CAMK4: variants seen among roughly 807,000 people sequenced by gnomAD.
The protein encoded by CAMK4 is calcium/calmodulin-dependent protein kinase type IV.
Under a neutral mutation model 44.9 loss-of-function variants are expected in CAMK4, and 22 were observed. The ratio of observed to expected loss-of-function variants is 0.49; its 90% CI spans 0.35 to 0.70. CAMK4 has a LOEUF of 0.70. Among genes scored for constraint, CAMK4 ranks in the 30% least tolerant of loss-of-function variants. The probability of loss-of-function intolerance (pLI) is 0.01; values close to 1 mark genes in which losing one functional copy is unlikely to be tolerated. For missense variants in CAMK4, 498 were observed against 586.8 expected (o/e 0.85, Z 1.56); for synonymous variants, 218 against 215.4 (o/e 1.01, Z -0.11).
At chr5:111,227,743 G>T (rs965561431) in intron 1 of CAMK4, among the ~76,000 whole-genome samples, 1 of 152,166 alleles carries the variant, frequency 6.6e-6, no homozygotes, top group East Asian at 1.9e-4. Flanking sequence ...TAGAGTATAG[G>T]GGTTACGGGT....
intron 5 of CAMK4, among the ~76,000 whole-genome samples, chr5:111,443,277 TATACAC>T (rs1316262975): frequency 0.074 from 3,006 of 40,380 alleles, 29 homozygotes; most frequent in East Asian, 0.2. Context: ...TATATATATA[TATACAC>T]ACACACACAC....
At chr5:111,461,873 A>G (rs1177665049) in intron 7 of CAMK4, among the ~76,000 whole-genome samples, 1 of 151,684 alleles carries the variant, frequency 6.6e-6, no homozygotes, top group Non-Finnish European at 1.5e-5. Context: ...AGGGACAATA[A>G]TTCTGGAAAG....
chr5:111,367,849 C>T (rs1053257920), intron 2 of CAMK4, among the ~76,000 whole-genome samples: 4 of 152,100 alleles, frequency 2.6e-5, no homozygotes, highest in African/African-American at 7.2e-5. Context: ...TAGCCTGGTA[C>T]AATGTCTCTG....
At chr5:111,478,264 G>T in intron 8 of CAMK4, 117 bp from the exon 9 acceptor site, 1 of 564,482 alleles carries the variant, frequency 1.8e-6, no homozygotes, top group Non-Finnish European at 3.0e-6. Flanking sequence ...AAGCTGAGTA[G>T]ACTTGCTTCC....
chr5:111,349,879 A>G (rs1270785746), intron 2 of CAMK4, among the ~76,000 whole-genome samples: 1 of 152,034 alleles, frequency 6.6e-6, no homozygotes, highest in African/African-American at 2.4e-5. Context: ...ATTTCTAACT[A>G]TGTAGCTCAA....
rs77108454 is a variant in CAMK4 at position 111,397,612 on chromosome 5, G to A, written c.459+2830G>A. 4.2e-3 allele frequency among the ~76,000 whole-genome samples: 639 copies of A among 151,338 alleles called. 4 individuals carry two copies. The highest frequency in any genetic ancestry group is 0.015 in the African/African-American group (619 of 41,160). Reference sequence around the variant, plus strand: ...ATTGTGCTGAAATTTTAGTATGTTTGTATGGTTATAACAGGTAATATCCTC... The same window carrying A: ...ATTGTGCTGAAATTTTAGTATGTTTATATGGTTATAACAGGTAATATCCTC... On this transcript the variant is annotated intron_variant, in intron 5 of 10. Coordinates refer to ENST00000282356, the MANE Select transcript of CAMK4 (RefSeq NM_001744.6).
intron 1 of CAMK4, among the ~76,000 whole-genome samples, chr5:111,315,130 T>G (rs1455283563): frequency 6.6e-6 from 1 of 152,124 alleles, no homozygotes; most frequent in Non-Finnish European, 1.5e-5. Context: ...TGTGTGTGCA[T>G]TTGGATGTGC....
At chr5:111,442,436 G>A (rs1015158129) in intron 5 of CAMK4, among the ~76,000 whole-genome samples, 9 of 151,622 alleles carry the variant, frequency 5.9e-5, no homozygotes, top group African/African-American at 2.2e-4. Context: ...GGTGGAAATT[G>A]CAGTAAGCCA....
intron 5 of CAMK4, among the ~76,000 whole-genome samples, chr5:111,398,276 G>T (rs1752094430): frequency 6.6e-6 from 1 of 152,168 alleles, no homozygotes; most frequent in Non-Finnish European, 1.5e-5. Flanking sequence ...GCCACATGTG[G>T]CTCAACTTGA....
intron 1 of CAMK4, among the ~76,000 whole-genome samples, chr5:111,334,543 A>C (rs1284537131): frequency 2.0e-5 from 3 of 151,592 alleles, no homozygotes; most frequent in African/African-American, 4.8e-5. Flanking sequence ...AAGAAGAATC[A>C]ATTTTGAGGT....
At chr5:111,421,674 G>A (rs1466479054) in intron 5 of CAMK4, among the ~76,000 whole-genome samples, 1 of 152,078 alleles carries the variant, frequency 6.6e-6, no homozygotes, top group Non-Finnish European at 1.5e-5. Context: ...TTTGTTTCCA[G>A]AAGGACATAT....
At chr5:111,278,968 C>A (rs1301124679) in intron 1 of CAMK4, among the ~76,000 whole-genome samples, 1 of 152,104 alleles carries the variant, frequency 6.6e-6, no homozygotes, top group African/African-American at 2.4e-5. Flanking sequence ...GGTAGGGTAC[C>A]GCAATACAAC....
chr5:111,480,249 AACACACACACACACACACAC>A (rs532395570), intron 9 of CAMK4, among the ~76,000 whole-genome samples: 3 of 121,188 alleles, frequency 2.5e-5, no homozygotes, highest in South Asian at 2.8e-4. Context: ...TAGGCATGTA[AACACACACACACACACACAC>A]ACACACACAC....
intron 1 of CAMK4, among the ~76,000 whole-genome samples, chr5:111,336,495 C>T (rs1336563859): frequency 6.6e-6 from 1 of 150,674 alleles, no homozygotes; most frequent in Non-Finnish European, 1.5e-5. Context: ...TTTTGAGAAA[C>T]TGTTGAATTG....
intron 1 of CAMK4, among the ~76,000 whole-genome samples, chr5:111,301,800 T>C (rs1747729326): frequency 6.6e-6 from 1 of 152,224 alleles, no homozygotes; most frequent in South Asian, 2.1e-4. Context: ...GATTAAGTTT[T>C]ATTTTTAGGA....
intron 5 of CAMK4, among the ~76,000 whole-genome samples, chr5:111,406,889 A>G (rs1451514495): frequency 2.0e-5 from 3 of 152,214 alleles, no homozygotes; most frequent in African/African-American, 4.8e-5. Flanking sequence ...AATAGATATG[A>G]CCTGCCTCTT....
intron 2 of CAMK4, among the ~76,000 whole-genome samples, chr5:111,362,679 T>G (rs1750640277): frequency 6.6e-6 from 1 of 152,022 alleles, no homozygotes; most frequent in East Asian, 1.9e-4. Flanking sequence ...AAAAATAATT[T>G]GGGAGGCTTA....
intron 1 of CAMK4, among the ~76,000 whole-genome samples, chr5:111,282,600 A>G (rs1452200193): frequency 6.6e-6 from 1 of 152,122 alleles, no homozygotes; most frequent in Non-Finnish European, 1.5e-5. Flanking sequence ...TATTTTTTAT[A>G]TTTTGACTTG....
At chr5:111,405,345 A>G (rs932138396) in intron 5 of CAMK4, among the ~76,000 whole-genome samples, 4 of 152,062 alleles carry the variant, frequency 2.6e-5, no homozygotes, top group African/African-American at 9.7e-5. Flanking sequence ...GTGTGCGCCT[A>G]TAGTCCCAGC....
Sources: gnomAD v4.1 joint callset for allele counts (sites outside exome capture counted in the v4.1 genomes callset) on GRCh38, gnomAD v4.1.1 for gene constraint, MANE v1.5 for transcripts, NCBI Gene and HGNC (gene_info 2026-07-23, HGNC 2026-07-21) for gene names.